The following NR1H2 variants were observed in gnomAD, a reference collection of about 807,000 sequenced individuals.
NR1H2 encodes oxysterols receptor LXR-beta.
A neutral mutation model predicts 51.2 loss-of-function variants in NR1H2; 33 were observed. The ratio of observed to expected loss-of-function variants is 0.64; its 90% CI spans 0.49 to 0.86. NR1H2 has a LOEUF of 0.86. NR1H2 is among the 40% of genes least tolerant of loss of function. The probability of loss-of-function intolerance (pLI) is 0.00; values close to 1 mark genes in which losing one functional copy is unlikely to be tolerated. For missense variants in NR1H2, 592 were observed against 639.9 expected (o/e 0.93, Z 0.81); for synonymous variants, 310 against 264.3 (o/e 1.17, Z -1.68).
intron 8 of NR1H2, among the ~76,000 whole-genome samples, chr19:50,380,552 C>T (rs547859537): frequency 1.3e-5 from 2 of 152,306 alleles, no homozygotes; most frequent in South Asian, 2.1e-4. Context: ...TCTGTATTTC[C>T]CGACATCTGT....
intron 4 of NR1H2, 108 bp from the exon 5 acceptor site, chr19:50,378,041 C>G (rs930255705): frequency 1.4e-6 from 2 of 1,412,474 alleles, no homozygotes; most frequent in African/African-American, 2.9e-5. Flanking sequence ...AGCAACTCCT[C>G]TCTCCCTCCA....
intron 9 of NR1H2, 138 bp downstream of exon 9, chr19:50,382,312 G>A: frequency 1.5e-6 from 2 of 1,341,712 alleles, no homozygotes; most frequent in Non-Finnish European, 2.0e-6. Flanking sequence ...TCGACTGGGA[G>A]CCAGGTCTAG....
In NR1H2 at chr19:50,383,150, T is replaced by C. The variant is rs57655074; in HGVS notation, c.*548T>C. On this transcript the variant is annotated 3_prime_UTR_variant, in exon 10 of 10. Coordinates refer to ENST00000253727, the MANE Select transcript of NR1H2 (RefSeq NM_007121.7). ...AAGGGTGGCACATAGGGTCCCAGTG[T>C]TGGGTGGTGTGTCGCCTGCTGTGAA... Among the ~76,000 whole-genome samples the C allele has an allele frequency of 0.017, 2,571 of 152,214 alleles. 69 individuals are homozygous for C. The highest frequency in any genetic ancestry group is 0.058 in the African/African-American group (2,408 of 41,510).
At chr19:50,381,902 A>C (rs1363905740) in intron 8 of NR1H2, 64 bp from the exon 9 acceptor site, 3 of 1,370,936 alleles carry the variant, frequency 2.2e-6, no homozygotes, top group Non-Finnish European at 3.0e-6. Context: ...GGGCAGCGCC[A>C]GGGTCCAGGA....
Position 50,383,253 on chromosome 19 carries a change from AG to A in NR1H2, c.*653del, listed in dbSNP as rs1331031006. On this transcript the variant is annotated 3_prime_UTR_variant, in exon 10 of 10. Transcript: ENST00000253727. ...CAGAACTCACCCTTGAAGGATAAAC[AG>A]GATTTAAGTGAATGAGGGGACCTGG... 2.9e-3 allele frequency among the ~76,000 whole-genome samples: 446 copies of A among 152,354 alleles called. 3 individuals carry two copies. Among genetic ancestry groups the A allele is most frequent in the Middle Eastern group, 6.8e-3 (2 of 294 alleles).
rs73932496 is a variant in NR1H2 at position 50,383,093 on chromosome 19, G to C, written c.*491G>C. On this transcript the variant is annotated 3_prime_UTR_variant, in exon 10 of 10. Transcript: ENST00000253727. ...CTGGGTGCCCGAACCTGATTGAGCA[G>C]GTGGGACTGGGTGTCCCCAGGCTGT... 1.3e-5 allele frequency: 2 copies of C among 152,806 alleles called. No homozygotes were observed. The highest frequency in any genetic ancestry group is 1.9e-4 in the East Asian group (1 of 5,200). The allele number at this position is 152,806 out of a possible 1,614,324, so 9.5% of individuals were successfully genotyped here.
chr19:50,379,768 T>G lies in NR1H2; in HGVS notation c.928-12T>G. The stretch of plus-strand genomic sequence containing the variant: ...ACAGGGCTCAAGCTCCCCCTCCCGC[T>G]GCCGCCCTTAGATCATGCTGCTAGA... On this transcript the variant is annotated splice_polypyrimidine_tract_variant and intron_variant, in intron 7 of 9. Coordinates refer to ENST00000253727, the MANE Select transcript of NR1H2 (RefSeq NM_007121.7). 6.3e-7 allele frequency: 1 copy of G among 1,597,708 alleles called. No homozygotes were observed. The highest frequency in any genetic ancestry group is 8.6e-7 in the Non-Finnish European group (1 of 1,165,134).
Position 50,382,648 on chromosome 19 carries a change from C to A in NR1H2, c.*46C>A. On this transcript the variant is annotated 3_prime_UTR_variant, in exon 10 of 10. Transcript: ENST00000253727. The stretch of plus-strand genomic sequence containing the variant: ...ACAGCCTTGCCTGACCACCCTCCAG[C>A]AGATAGACGCCGGCACCCCTTCCTC... The A allele has an allele frequency of 6.7e-7, 1 of 1,502,506 alleles. No homozygotes were observed. Among genetic ancestry groups the A allele is most frequent in the Non-Finnish European group, 8.8e-7 (1 of 1,131,022 alleles). The allele number at this position is 1,502,506 out of a possible 1,614,324, so 93.1% of individuals were successfully genotyped here. A position where few individuals can be genotyped will look rare whatever the true frequency, so the allele number is the denominator to read the frequency against.
At chr19:50,380,518 G>A (rs1371424664) in intron 8 of NR1H2, among the ~76,000 whole-genome samples, 1 of 152,194 alleles carries the variant, frequency 6.6e-6, no homozygotes, top group East Asian at 1.9e-4. Context: ...CTCCCTCATT[G>A]TCCCACAATC....
Position 50,378,019 on chromosome 19 carries a change from C to T in NR1H2, c.182-130C>T, listed in dbSNP as rs769639616. On this transcript the variant is annotated intron_variant, in intron 4 of 9. Transcript: ENST00000253727. ...TACATCTTTCTAAATTGCAATTTCCCTGAATGTGAGCAGCAACTCCTCTCT... is the reference window on the plus strand; with the variant it reads ...TACATCTTTCTAAATTGCAATTTCCTTGAATGTGAGCAGCAACTCCTCTCT... 29 of 1,420,036 alleles carry T rather than the reference C, an allele frequency of 2.0e-5. 1 individual carries two copies. Among genetic ancestry groups the T allele is most frequent in the Non-Finnish European group, 2.6e-5 (27 of 1,058,020 alleles). The allele number at this position is 1,420,036 out of a possible 1,614,324, so 88.0% of individuals were successfully genotyped here.
chr19:50,379,674 A>T, intron 7 of NR1H2, 106 bp from the exon 8 acceptor site: 1 of 738,372 alleles, frequency 1.4e-6, no homozygotes, highest in Non-Finnish European at 2.4e-6. Context: ...GGAAGGGGAC[A>T]AGGGATAATC....
At chr19:50,377,352 G>A (rs1000300894) in intron 2 of NR1H2, 5 of 462,216 alleles carry the variant, frequency 1.1e-5, no homozygotes, top group Non-Finnish European at 1.9e-5. Context: ...GAGGGGGCGG[G>A]GCCTACAGCA....
At position 50,382,076 on chromosome 19, in the gene NR1H2, GC is replaced by G; in HGVS notation, c.1140del (p.Asp381ThrfsTer42). 6.4e-7 allele frequency: 1 copy of G among 1,552,038 alleles called. No individual in the cohort carries two copies. Among genetic ancestry groups the G allele is most frequent in the Non-Finnish European group, 8.7e-7 (1 of 1,148,466 alleles). The part of the protein sequence containing the change: ...ALLIAINIFS[A>X]DRPNVQEPGR... Reference sequence around the variant, plus strand: ...GCTCATCGCCATCAACATCTTCTCGGCCGACCGGCCCAACGTGCAGGAGCCG... The same window carrying G: ...GCTCATCGCCATCAACATCTTCTCGGCGACCGGCCCAACGTGCAGGAGCCG... On this transcript the variant is annotated frameshift_variant, in exon 9 of 10. Transcript: ENST00000253727. LOFTEE classifies it high-confidence loss of function.
chr19:50,379,921 C>A, intron 8 of NR1H2, 42 bp downstream of exon 8: 1 of 1,342,336 alleles, frequency 7.4e-7, no homozygotes, highest in African/African-American at 1.4e-5. Flanking sequence ...GGCGCCCCTG[C>A]TGGCTGGAAG....
At position 50,382,006 on chromosome 19, in the gene NR1H2, G is replaced by T. The variant is rs956323076; in HGVS notation, c.1068G>T (p.Ser356=). 3.2e-6 allele frequency: 5 copies of T among 1,567,718 alleles called. No homozygotes were observed. Among genetic ancestry groups the T allele is most frequent in the Non-Finnish European group, 4.3e-6 (5 of 1,155,764 alleles). ...TCATCAACCCCATCTTCGAGTTCTC[G>T]CGGGCCATGCGGCGGCTGGGCCTGG... The part of the protein sequence containing the change: ...VEFINPIFEF[S]RAMRRLGLDD... Residue 356 remains serine (S), a synonymous_variant, in exon 9 of 10, where the codon TCG becomes TCT. Transcript: ENST00000253727.
At position 50,378,271 on chromosome 19, in the gene NR1H2, C is replaced by G. The variant is rs1231719078; in HGVS notation, c.304C>G (p.Leu102Val). Reference sequence around the variant, plus strand: ...GGCCTCCGGCTTCCACTACAACGTGCTCAGCTGCGAAGGCTGCAAGGGCTT... The same window carrying G: ...GGCCTCCGGCTTCCACTACAACGTGGTCAGCTGCGAAGGCTGCAAGGGCTT... ...DKASGFHYNV[L>V]SCEGCKGFFR... Residue 102 changes from leucine to valine, a missense_variant, in exon 5 of 10, where the codon CTC (leucine) becomes GTC (valine). Physicochemically the swap from Leu to Val is conservative, Grantham distance 32. Around this residue, in one of 3 missense-constraint regions of NR1H2, gnomAD observed 316 missense variants for 313.4 expected, o/e 1.01. Coordinates refer to ENST00000253727, the MANE Select transcript of NR1H2 (RefSeq NM_007121.7). 3.1e-6 allele frequency: 5 copies of G among 1,613,476 alleles called. No homozygotes were observed. The highest frequency in any genetic ancestry group is 4.2e-6 in the Non-Finnish European group (5 of 1,180,046).
At chr19:50,378,908 G>A (rs988902041) in intron 6 of NR1H2, 94 bp from the exon 7 acceptor site, 116 of 1,550,006 alleles carry the variant, frequency 7.5e-5, no homozygotes, top group Non-Finnish European at 9.2e-5. Context: ...GCTTTGGGAA[G>A]AGGATCCCCC....
intron 2 of NR1H2, 68 bp from the exon 3 acceptor site, chr19:50,377,519 G>A: frequency 8.0e-7 from 1 of 1,244,394 alleles, no homozygotes; most frequent in Non-Finnish European, 1.1e-6. Context: ...AGCCCTGTCA[G>A]GACCTGTAAC....
In NR1H2 at chr19:50,376,721, C is replaced by G. The variant is rs2037669199; in HGVS notation, c.-125C>G. The G allele has an allele frequency of 6.6e-6, 1 of 152,264 alleles. No homozygotes were observed. Among genetic ancestry groups the G allele is most frequent in the Admixed American group, 6.5e-5 (1 of 15,286 alleles). 9.4% of individuals were successfully genotyped at this position (152,264 alleles called of 1,614,324 possible). On this transcript the variant is annotated splice_region_variant and 5_prime_UTR_variant, in exon 2 of 10. Coordinates refer to ENST00000253727, the MANE Select transcript of NR1H2 (RefSeq NM_007121.7). ...GCGCCTCCCGCGGCTGTTTCCAGGG[C>G]AACAGGAGTAGTTCACTCCGCGAGA...
Sources: gnomAD v4.1 joint callset for allele counts (sites outside exome capture counted in the v4.1 genomes callset) on GRCh38, gnomAD v4.1.1 for gene constraint, gnomAD v4.1.1 regional missense constraint, MANE v1.5 for transcripts, NCBI Gene and HGNC (gene_info 2026-07-23, HGNC 2026-07-21) for gene names.